Variants in GREB1 observed in about 807,000 individuals in gnomAD.
GREB1 encodes protein GREB1.
Under a neutral mutation model 200.7 loss-of-function variants are expected in GREB1, and 106 were observed. The observed-to-expected ratio is 0.53, with a 90% CI of 0.45 to 0.62. The LOEUF (loss-of-function observed/expected upper bound fraction) is 0.62. Among genes scored for constraint, GREB1 ranks in the 20% least tolerant of loss-of-function variants. The pLI is 0.00. For missense variants in GREB1, 2,243 were observed against 2,556.8 expected (o/e 0.88, Z 2.65); for synonymous variants, 1,132 against 1,092.4 (o/e 1.04, Z -0.72).
intron 1 of GREB1, among the ~76,000 whole-genome samples, chr2:11,502,369 C>T (rs187819457): frequency 4.2e-4 from 64 of 151,538 alleles, no homozygotes; most frequent in African/African-American, 1.5e-3. Context: ...TACAGGCATG[C>T]ACCACCAGAC....
chr2:11,526,377 C>G (rs899221252), intron 1 of GREB1, among the ~76,000 whole-genome samples: 20 of 152,134 alleles, frequency 1.3e-4, no homozygotes, highest in Admixed American at 6.5e-4. Flanking sequence ...TAACTACTTA[C>G]TAGTTATGTG....
rs570622622 is a variant in GREB1 at position 11,629,817 on chromosome 2, C to G, written c.4450-131C>G. ...GTCTGCACTTTGCACTGGAGTCACCCCGTGGGTTTCTTGTGCTGTAGGGAA... is the reference window on the plus strand; with the variant it reads ...GTCTGCACTTTGCACTGGAGTCACCGCGTGGGTTTCTTGTGCTGTAGGGAA... On this transcript the variant is annotated intron_variant, in intron 25 of 32. Coordinates refer to ENST00000381486, the MANE Select transcript of GREB1 (RefSeq NM_014668.4). This position sits in a 1 kb window ranked among gnomAD's most constrained non-coding sequence, Gnocchi z 5.2. 3.5e-6 allele frequency: 3 copies of G among 869,406 alleles called. No homozygotes were observed. The highest frequency in any genetic ancestry group is 5.4e-6 in the Non-Finnish European group (3 of 553,274). 53.9% of individuals were successfully genotyped at this position (869,406 alleles called of 1,614,324 possible).
At chr2:11,610,615 T>G in intron 17 of GREB1, 73 bp from the exon 18 acceptor site, 11 of 1,163,142 alleles carry the variant, frequency 9.5e-6, no homozygotes, top group Non-Finnish European at 1.4e-5. Context: ...GTGACGGATG[T>G]CTTGGGTGAC....
intron 1 of GREB1, among the ~76,000 whole-genome samples, chr2:11,516,316 G>GTGTT (rs1263428587): frequency 7.3e-6 from 1 of 137,132 alleles, no homozygotes; most frequent in African/African-American, 3.2e-5. Context: ...CTGCAGGTGT[G>GTGTT]TGTGTGTGTG....
intron 1 of GREB1, among the ~76,000 whole-genome samples, chr2:11,534,793 C>A (rs1459265425): frequency 6.6e-6 from 1 of 152,160 alleles, no homozygotes; most frequent in Non-Finnish European, 1.5e-5. Context: ...TCTGTTTCTT[C>A]TCCTGGATGT....
At chr2:11,574,589 G>A (rs927421053) in intron 4 of GREB1, among the ~76,000 whole-genome samples, 1 of 152,174 alleles carries the variant, frequency 6.6e-6, no homozygotes, top group African/African-American at 2.4e-5. Context: ...AAGGCTAGGG[G>A]GCATTGGGGC....
intron 10 of GREB1, among the ~76,000 whole-genome samples, chr2:11,590,057 A>C (rs1680575656): frequency 6.6e-6 from 1 of 152,098 alleles, no homozygotes; most frequent in African/African-American, 2.4e-5. Flanking sequence ...GAGGAGAGGA[A>C]AGTGCCAAGG....
intron 22 of GREB1, among the ~76,000 whole-genome samples, chr2:11,619,591 T>C (rs1050284562): frequency 2.0e-5 from 3 of 152,256 alleles, no homozygotes; most frequent in African/African-American, 7.2e-5. Flanking sequence ...CACTATTGGA[T>C]ATTATCAGTT....
rs1339950561 is a variant in GREB1, at chr2:11,629,033, C to G, written c.4450-915C>G. 1.2e-4 allele frequency among the ~76,000 whole-genome samples: 19 copies of G among 152,182 alleles called. No individual in the cohort carries two copies. On this transcript the variant is annotated intron_variant, in intron 25 of 32. Transcript: ENST00000381486. This position sits in a 1 kb window ranked among gnomAD's most constrained non-coding sequence, Gnocchi z 5.2. ...TCCCTTGACCTTTTTTATGAAACTG[C>G]CTCAGTGTGTCCTCCTTAACTGCCT...
At chr2:11,594,052 G>A (rs967428238) in intron 11 of GREB1, among the ~76,000 whole-genome samples, 15 of 152,148 alleles carry the variant, frequency 9.9e-5, no homozygotes, top group Non-Finnish European at 1.6e-4. Flanking sequence ...CACCTCGGCT[G>A]AAGTGCAGTG....
chr2:11,563,401 G>A (rs1677288119), intron 3 of GREB1, among the ~76,000 whole-genome samples: 1 of 152,258 alleles, frequency 6.6e-6, no homozygotes, highest in South Asian at 2.1e-4. Context: ...GATGCTGGAT[G>A]GGTGGCAGCT....
intron 24 of GREB1, among the ~76,000 whole-genome samples, chr2:11,626,103 G>A (rs571817092): frequency 4.5e-4 from 69 of 152,212 alleles, no homozygotes; most frequent in African/African-American, 1.6e-3. Flanking sequence ...AGAATTATGG[G>A]AGCTACAATT....
intron 3 of GREB1, among the ~76,000 whole-genome samples, chr2:11,565,852 A>T (rs1437300459): frequency 6.6e-6 from 1 of 152,096 alleles, no homozygotes; most frequent in Non-Finnish European, 1.5e-5. Flanking sequence ...GCATGTAAAA[A>T]ACATCAGAGG....
At position 11,580,878 on chromosome 2, in the gene GREB1, G is replaced by A. The variant is rs371267216; in HGVS notation, c.901+46G>A. The A allele has an allele frequency of 3.7e-6, 6 of 1,613,192 alleles. No individual in the cohort carries two copies. In the African/African-American group the frequency reaches 4.0e-5, roughly 11 times the overall value. On this transcript the variant is annotated intron_variant, in intron 7 of 32. Transcript: ENST00000381486. The surrounding 1 kb of genome is among the most constrained non-coding windows in gnomAD (Gnocchi z 4.5). Reference sequence around the variant, plus strand: ...CGTCCTGGGGATCCTGCTCTTCTTTGGGCCAAGGCCAGAGGGGGCATGGGA... The same window carrying A: ...CGTCCTGGGGATCCTGCTCTTCTTTAGGCCAAGGCCAGAGGGGGCATGGGA...
intron 11 of GREB1, among the ~76,000 whole-genome samples, chr2:11,594,962 G>A (rs1681073295): frequency 6.6e-6 from 1 of 151,602 alleles, no homozygotes; most frequent in Admixed American, 6.6e-5. Context: ...CCAAAGTGCT[G>A]GGATGGCAGG....
intron 1 of GREB1, among the ~76,000 whole-genome samples, chr2:11,512,718 A>T (rs1673386319): frequency 6.6e-6 from 1 of 152,224 alleles, no homozygotes; most frequent in Non-Finnish European, 1.5e-5. Flanking sequence ...GACAAAGAGG[A>T]TAAGACCTCT....
At chr2:11,483,323 C>T (rs1470113438) in intron 1 of GREB1, among the ~76,000 whole-genome samples, 1 of 59,092 alleles carries the variant, frequency 1.7e-5, no homozygotes, top group Non-Finnish European at 4.5e-5. Context: ...TATCGGTGTG[C>T]GCGCGCGTGT....
intron 30 of GREB1, among the ~76,000 whole-genome samples, chr2:11,636,708 G>A (rs899855032): frequency 3.3e-5 from 5 of 152,218 alleles, no homozygotes; most frequent in East Asian, 3.9e-4. Context: ...AGTGAGCCAC[G>A]TGCCCAGGCA....
chr2:11,490,698 A>G (rs1192664486), intron 1 of GREB1, among the ~76,000 whole-genome samples: 1 of 152,112 alleles, frequency 6.6e-6, no homozygotes, highest in East Asian at 1.9e-4. Flanking sequence ...ACAGGCGTGC[A>G]GCACCACGCC....
Sources: gnomAD v4.1 joint callset for allele counts (sites outside exome capture counted in the v4.1 genomes callset) on GRCh38, gnomAD v4.1.1 for gene constraint, Gnocchi (gnomAD v3.1) non-coding constraint, MANE v1.5 for transcripts, NCBI Gene and HGNC (gene_info 2026-07-23, HGNC 2026-07-21) for gene names.